The following CNTN5 variants were observed in gnomAD, a reference collection of about 807,000 sequenced individuals.
CNTN5 encodes the protein contactin-5.
Under a neutral mutation model 129.1 loss-of-function variants are expected in CNTN5, and 77 were observed. The ratio of observed to expected loss-of-function variants is 0.60; its 90% CI spans 0.50 to 0.72. The LOEUF (loss-of-function observed/expected upper bound fraction) is 0.72. CNTN5 is among the 30% of genes least tolerant of loss of function. The pLI is 0.00. For missense variants in CNTN5, 1,478 were observed against 1,328.8 expected (o/e 1.11, Z -1.75); for synonymous variants, 509 against 465.6 (o/e 1.09, Z -1.20).
intron 2 of CNTN5, among the ~76,000 whole-genome samples, chr11:99,531,370 T>G (rs1345817009): frequency 6.6e-6 from 1 of 152,200 alleles, no homozygotes; most frequent in Admixed American, 6.5e-5. Context: ...CATTCAATTT[T>G]TAAAAGGGAA....
chr11:100,323,490 T>C (rs1416129079), intron 21 of CNTN5, among the ~76,000 whole-genome samples: 1 of 152,196 alleles, frequency 6.6e-6, no homozygotes, highest in Admixed American at 6.5e-5. Context: ...AGCTTCTGTC[T>C]GCTTTTGGAT....
chr11:100,298,357 A>C (rs1045929192), intron 19 of CNTN5, among the ~76,000 whole-genome samples: 2 of 151,392 alleles, frequency 1.3e-5, no homozygotes, highest in African/African-American at 4.8e-5. Context: ...CTACAGAGGT[A>C]TTAACTTTCC....
intron 13 of CNTN5, among the ~76,000 whole-genome samples, chr11:100,092,155 G>T (rs1591225397): frequency 6.6e-6 from 1 of 152,134 alleles, no homozygotes; most frequent in South Asian, 2.1e-4. Flanking sequence ...AGTAGGGTCA[G>T]TTCCCTTTGT....
At position 99,506,230 on chromosome 11, in the gene CNTN5, G is replaced by A. The variant is rs546973973; in HGVS notation, c.-70-49915G>A. 7.2e-5 allele frequency among the ~76,000 whole-genome samples: 11 copies of A among 152,148 alleles called. No individual in the cohort carries two copies. In the East Asian group the frequency reaches 7.7e-4, roughly 11 times the overall value. On this transcript the variant is annotated intron_variant, in intron 2 of 24. Transcript: ENST00000524871. ...TAGTCTGGGGCCCTTGCTCAGGATC[G>A]TACTAAAAATGAAAATCCCCATGCA... is the stretch of plus-strand genomic sequence containing the variant.
intron 2 of CNTN5, among the ~76,000 whole-genome samples, chr11:99,467,925 T>A (rs1945010006): frequency 6.6e-6 from 1 of 152,054 alleles, no homozygotes; most frequent in South Asian, 2.1e-4. Flanking sequence ...TTGGGAAACA[T>A]AAGATTCTAA....
chr11:99,983,174 CAAAG>C (rs1938459380), intron 8 of CNTN5, among the ~76,000 whole-genome samples: 2 of 152,180 alleles, frequency 1.3e-5, no homozygotes, highest in South Asian at 2.1e-4. Flanking sequence ...ACTGTGAAAA[CAAAG>C]AATAGAGTGA....
At chr11:100,021,654 C>G (rs1941155613) in intron 9 of CNTN5, among the ~76,000 whole-genome samples, 1 of 151,998 alleles carries the variant, frequency 6.6e-6, no homozygotes, top group African/African-American at 2.4e-5. Context: ...AGGGACAGAA[C>G]TAATAGGATG....
At chr11:99,618,453 C>T (rs1324135996) in intron 3 of CNTN5, among the ~76,000 whole-genome samples, 1 of 152,124 alleles carries the variant, frequency 6.6e-6, no homozygotes, top group Admixed American at 6.5e-5. Flanking sequence ...GTTTCATGTA[C>T]TAAGCTTCAT....
chr11:99,418,489 G>A lies in CNTN5; in HGVS notation c.-71+93005G>A, dbSNP rs1054975009. ...TAACATGTCCAAAGGGATAATTGAT[G>A]CTGCAAATTTTTAATTGGATTTAAT... On this transcript the variant is annotated intron_variant, in intron 2 of 24. Transcript: ENST00000524871. Among the ~76,000 whole-genome samples the A allele has an allele frequency of 1.3e-4, 20 of 152,276 alleles. 1 individual carries two copies. Among genetic ancestry groups the A allele is most frequent in the Admixed American group, 1.3e-3 (20 of 15,286 alleles).
chr11:99,868,866 GA>G (rs1948426527), intron 6 of CNTN5, among the ~76,000 whole-genome samples: 1 of 152,116 alleles, frequency 6.6e-6, no homozygotes, highest in African/African-American at 2.4e-5. Context: ...TTTAAATGAT[GA>G]AACCATGTTT....
At chr11:100,197,113 A>C (rs543248265) in intron 15 of CNTN5, among the ~76,000 whole-genome samples, 1 of 152,086 alleles carries the variant, frequency 6.6e-6, no homozygotes, top group Non-Finnish European at 1.5e-5. Flanking sequence ...CAGCAGGTGC[A>C]TAGGAGAAGC....
intron 3 of CNTN5, among the ~76,000 whole-genome samples, chr11:99,683,697 G>A (rs1308228737): frequency 6.6e-6 from 1 of 151,778 alleles, no homozygotes; most frequent in African/African-American, 2.4e-5. Flanking sequence ...AGTACATTGA[G>A]TCTATATATG....
At chr11:99,965,312 C>T (rs549279577) in intron 8 of CNTN5, among the ~76,000 whole-genome samples, 1 of 152,128 alleles carries the variant, frequency 6.6e-6, no homozygotes, top group South Asian at 2.1e-4. Flanking sequence ...CTATAAATTT[C>T]CCTATACACA....
chr11:99,311,149 G>T (rs1004583864), intron 1 of CNTN5, among the ~76,000 whole-genome samples: 1 of 152,006 alleles, frequency 6.6e-6, no homozygotes, highest in Admixed American at 6.6e-5. Context: ...GGCTGGTGTC[G>T]ATCTCCTGAC....
chr11:99,696,352 T>A (rs1488439826), intron 3 of CNTN5, among the ~76,000 whole-genome samples: 1 of 152,150 alleles, frequency 6.6e-6, no homozygotes, highest in African/African-American at 2.4e-5. Context: ...CCCATTTTTA[T>A]CTTTCATTGT....
At chr11:99,900,100 C>G (rs1315407814) in intron 6 of CNTN5, among the ~76,000 whole-genome samples, 1 of 150,118 alleles carries the variant, frequency 6.7e-6, no homozygotes, top group African/African-American at 2.4e-5. Flanking sequence ...AGTCTTCTCT[C>G]TTTTTTTTTC....
intron 1 of CNTN5, among the ~76,000 whole-genome samples, chr11:99,223,422 T>G (rs1255902998): frequency 2.6e-5 from 4 of 152,176 alleles, no homozygotes; most frequent in African/African-American, 9.7e-5. Context: ...TTCTTAAAAT[T>G]TGAAAAATAG....
intron 2 of CNTN5, among the ~76,000 whole-genome samples, chr11:99,555,367 A>T (rs1948630790): frequency 6.6e-6 from 1 of 152,010 alleles, no homozygotes; most frequent in African/African-American, 2.4e-5. Flanking sequence ...GATTACAGAA[A>T]CTTCCAATAT....
intron 13 of CNTN5, among the ~76,000 whole-genome samples, chr11:100,108,021 T>C (rs1945513025): frequency 6.8e-6 from 1 of 147,584 alleles, no homozygotes; most frequent in South Asian, 2.1e-4. Flanking sequence ...AAGGCCTAAG[T>C]AAAGCTAGTA....
Sources: allele counts gnomAD v4.1 joint callset (sites outside exome capture counted in the v4.1 genomes callset), GRCh38; gene constraint gnomAD v4.1.1; transcripts MANE v1.5; gene names NCBI Gene and HGNC (gene_info 2026-07-23, HGNC 2026-07-21).